The following SOBP variants were observed in gnomAD, a reference collection of about 807,000 sequenced individuals.
SOBP encodes sine oculis binding protein homolog, also known as sine oculis-binding protein homolog.
SOBP carries 4 observed loss-of-function variants against 53.6 expected under a neutral mutation model. That is an observed-to-expected ratio of 0.07 (90% CI 0.04 to 0.17). The LOEUF is 0.17. SOBP is among the 10% of genes least tolerant of loss of function. The probability of loss-of-function intolerance (pLI) is 1.00; values close to 1 mark genes in which losing one functional copy is unlikely to be tolerated. For synonymous variants in SOBP, 584 were observed against 522.6 expected (o/e 1.12, Z -1.60); for missense variants, 1,088 against 1,204.7 (o/e 0.90, Z 1.43).
At chr6:107,572,541 C>A (rs371648118) in intron 4 of SOBP, among the ~76,000 whole-genome samples, 4 of 152,134 alleles carry the variant, frequency 2.6e-5, no homozygotes, top group African/African-American at 7.2e-5. Flanking sequence ...TGAGCTCAAG[C>A]AATCCACCCA....
intron 5 of SOBP, among the ~76,000 whole-genome samples, chr6:107,607,518 C>T (rs1208989815): frequency 6.6e-6 from 1 of 152,166 alleles, no homozygotes; most frequent in Non-Finnish European, 1.5e-5. Flanking sequence ...TTAAGAGTTT[C>T]TCTCCTACTT....
At chr6:107,610,844 A>G (rs1786570019) in intron 5 of SOBP, among the ~76,000 whole-genome samples, 1 of 151,576 alleles carries the variant, frequency 6.6e-6, no homozygotes, top group Admixed American at 6.5e-5. Context: ...CATGGACTTA[A>G]TGAAGGCAAT....
intron 3 of SOBP, among the ~76,000 whole-genome samples, chr6:107,530,005 A>C (rs1783772929): frequency 6.6e-6 from 1 of 152,150 alleles, no homozygotes; most frequent in Admixed American, 6.5e-5. Flanking sequence ...TCTCTTTGGG[A>C]ATGTGATTTA....
intron 6 of SOBP, among the ~76,000 whole-genome samples, chr6:107,655,275 C>T (rs1042025309): frequency 6.6e-6 from 1 of 152,144 alleles, no homozygotes; most frequent in African/African-American, 2.4e-5. Flanking sequence ...CAATAAATAT[C>T]AGAAAAGTGA....
At chr6:107,563,075 C>T (rs986793792) in intron 4 of SOBP, among the ~76,000 whole-genome samples, 1 of 151,778 alleles carries the variant, frequency 6.6e-6, no homozygotes, top group African/African-American at 2.4e-5. Flanking sequence ...GGGCAAGAAA[C>T]TGAGACCCTG....
chr6:107,538,489 A>G (rs1322627153), intron 4 of SOBP, among the ~76,000 whole-genome samples: 3 of 152,222 alleles, frequency 2.0e-5, no homozygotes, highest in African/African-American at 7.2e-5. Context: ...TTGGCCCACC[A>G]GTAAATGCAC....
intron 5 of SOBP, among the ~76,000 whole-genome samples, chr6:107,615,295 A>G (rs1786745260): frequency 6.6e-6 from 1 of 152,240 alleles, no homozygotes; most frequent in Admixed American, 6.5e-5. Flanking sequence ...AGGAGTAATG[A>G]AATAAAATTA....
intron 6 of SOBP, among the ~76,000 whole-genome samples, chr6:107,636,636 A>C (rs1378240909): frequency 6.6e-6 from 1 of 152,204 alleles, no homozygotes; most frequent in African/African-American, 2.4e-5. Context: ...AGAGATGAGC[A>C]TTTATTGAGC....
At chr6:107,550,050 T>C (rs12196780) in intron 4 of SOBP, among the ~76,000 whole-genome samples, 1,864 of 152,272 alleles carry the variant, frequency 0.012, 24 homozygotes, top group East Asian at 0.051. Context: ...AGGAAGGAAG[T>C]TGGCAGCTTC....
At chr6:107,505,246 G>C (rs1268481353) in intron 2 of SOBP, among the ~76,000 whole-genome samples, 1 of 152,016 alleles carries the variant, frequency 6.6e-6, no homozygotes, top group East Asian at 1.9e-4. Flanking sequence ...GCTTTCCCCT[G>C]GTAGCCAGAG....
chr6:107,548,339 C>T (rs1405058599), intron 4 of SOBP, among the ~76,000 whole-genome samples: 1 of 151,406 alleles, frequency 6.6e-6, no homozygotes, highest in East Asian at 1.9e-4. Flanking sequence ...CTGCAAGTTC[C>T]ACCTCCTGGG....
chr6:107,653,506 C>T (rs193010830), intron 6 of SOBP, among the ~76,000 whole-genome samples: 2 of 152,308 alleles, frequency 1.3e-5, no homozygotes, highest in Admixed American at 1.3e-4. Flanking sequence ...TGGACAAAGG[C>T]AAGCTGGCTG....
chr6:107,628,039 A>G (rs1244398104), intron 5 of SOBP, among the ~76,000 whole-genome samples: 1 of 152,220 alleles, frequency 6.6e-6, no homozygotes, highest in Non-Finnish European at 1.5e-5. Flanking sequence ...TAGTTCTGCC[A>G]TGTAATGAGT....
chr6:107,541,606 T>G (rs1784149369), intron 4 of SOBP, among the ~76,000 whole-genome samples: 1 of 152,182 alleles, frequency 6.6e-6, no homozygotes, highest in South Asian at 2.1e-4. Context: ...TGACTGCAAA[T>G]TTTCACTGGC....
At position 107,515,951 on chromosome 6, in the gene SOBP, TTAAAG is replaced by T. The variant is rs369083014; in HGVS notation, c.421+9529_421+9533del. Among the ~76,000 whole-genome samples the T allele has an allele frequency of 3.6e-3, 554 of 152,284 alleles. 5 individuals are homozygous for T. Among genetic ancestry groups the T allele is most frequent in the African/African-American group, 0.013 (525 of 41,542 alleles). ...TTAACAAAATAAAGTAAAACCTCTGTTAAAGTAAAACCATTAACAGAATAAAGTAA... is the reference window on the plus strand; with the variant it reads ...TTAACAAAATAAAGTAAAACCTCTGTTAAAACCATTAACAGAATAAAGTAA... On this transcript the variant is annotated intron_variant, in intron 3 of 6. Coordinates refer to ENST00000317357, the MANE Select transcript of SOBP (RefSeq NM_018013.4).
intron 4 of SOBP, among the ~76,000 whole-genome samples, chr6:107,540,206 G>T (rs901307942): frequency 6.6e-6 from 1 of 152,204 alleles, no homozygotes. Flanking sequence ...TAGTATAGTC[G>T]AGAGGCCCCA....
chr6:107,593,255 T>C (rs1699455242), intron 5 of SOBP, among the ~76,000 whole-genome samples: 1 of 152,204 alleles, frequency 6.6e-6, no homozygotes, highest in African/African-American at 2.4e-5. Context: ...AAAAGCCACA[T>C]GAGGGAGGGC....
intron 3 of SOBP, among the ~76,000 whole-genome samples, chr6:107,528,854 C>T (rs1783740257): frequency 6.6e-6 from 1 of 152,128 alleles, no homozygotes; most frequent in Non-Finnish European, 1.5e-5. Flanking sequence ...AATCAGATGG[C>T]CTGGTCCTCA....
rs1408146356 is a variant in SOBP, at chr6:107,633,661, G to T, written c.817G>T (p.Ala273Ser). 5 of 1,614,264 alleles carry T rather than the reference G, an allele frequency of 3.1e-6. No individual in the cohort carries two copies. The highest frequency in any genetic ancestry group is 4.2e-6 in the Non-Finnish European group (5 of 1,180,044). ...CAAAGAGACCCAGGCCAATCTTCCAGCTGGGCTGTGCAGCACATTACACCC... is the reference window on the plus strand; with the variant it reads ...CAAAGAGACCCAGGCCAATCTTCCATCTGGGCTGTGCAGCACATTACACCC... ...FYKETQANLP[A>S]GLCSTLHPPM... is the part of the protein sequence containing the mutation. Residue 273 changes from alanine (A) to serine (S), a missense_variant, in exon 6 of 7, where the codon GCT (alanine) becomes TCT (serine). Transcript: ENST00000317357.
Sources: allele counts gnomAD v4.1 joint callset (sites outside exome capture counted in the v4.1 genomes callset), GRCh38; gene constraint gnomAD v4.1.1; transcripts MANE v1.5; gene names NCBI Gene and HGNC (gene_info 2026-07-23, HGNC 2026-07-21).